ACOT12: variants seen among roughly 807,000 people sequenced by gnomAD.
The protein encoded by ACOT12 is acetyl-coenzyme A thioesterase.
ACOT12 carries 51 observed loss-of-function variants against 67.7 expected under a neutral mutation model. The ratio of observed to expected loss-of-function variants is 0.75; its 90% CI spans 0.60 to 0.95. ACOT12 has a LOEUF of 0.95. ACOT12 is among the 40% of genes least tolerant of loss of function. The pLI is 0.00. For missense variants in ACOT12, 734 were observed against 708.1 expected (o/e 1.04, Z -0.41); for synonymous variants, 251 against 244.6 (o/e 1.03, Z -0.24).
At chr5:81,331,288 A>G (rs974194971) in intron 13 of ACOT12, among the ~76,000 whole-genome samples, 1 of 152,218 alleles carries the variant, frequency 6.6e-6, no homozygotes, top group Non-Finnish European at 1.5e-5. Context: ...CTGTAATCCC[A>G]GCACTTTGGG....
chr5:81,375,512 A>T (rs1323822420), intron 2 of ACOT12, among the ~76,000 whole-genome samples: 2 of 152,208 alleles, frequency 1.3e-5, no homozygotes, highest in Non-Finnish European at 2.9e-5. Flanking sequence ...AAATGTAAAC[A>T]GGCTAAATGC....
At chr5:81,316,614 C>G in the ACOT12 span, among the ~76,000 whole-genome samples, 2 of 152,268 alleles carry the variant, frequency 1.3e-5, no homozygotes, top group African/African-American at 4.8e-5. Context: ...TGGATATATA[C>G]CTAGGAGTAT....
Position 81,372,156 on chromosome 5 carries a change from A to G in ACOT12, c.198-346T>C, listed in dbSNP as rs201752228. 2.3e-4 allele frequency among the ~76,000 whole-genome samples: 35 copies of G among 152,316 alleles called. No homozygotes were observed. The East Asian group carries it at 5.2e-3, about 23-fold the overall frequency. On this transcript the variant is annotated intron_variant, in intron 2 of 14. Transcript: ENST00000307624. The stretch of plus-strand genomic sequence containing the variant: ...AAGGAAAATACACCAGCAAATCTAT[A>G]CAGCTGGTATTTATTTTTGAATGTT...
intron 2 of ACOT12, among the ~76,000 whole-genome samples, chr5:81,376,326 A>G (rs535389888): frequency 4.6e-5 from 7 of 152,210 alleles, no homozygotes; most frequent in African/African-American, 1.4e-4. Flanking sequence ...AATATCTGGG[A>G]CATATTTAAA....
chr5:81,348,205 A>G (rs1243103815), intron 5 of ACOT12, among the ~76,000 whole-genome samples: 3 of 152,196 alleles, frequency 2.0e-5, no homozygotes, highest in Non-Finnish European at 4.4e-5. Flanking sequence ...GACTAAAAGA[A>G]TGGTTACACT....
intron 12 of ACOT12, among the ~76,000 whole-genome samples, chr5:81,333,507 T>C (rs936232226): frequency 6.6e-6 from 1 of 152,226 alleles, no homozygotes; most frequent in Non-Finnish European, 1.5e-5. Context: ...TCATAGTACA[T>C]GTACAAGAAA....
intron 3 of ACOT12, 82 bp from the exon 4 acceptor site, chr5:81,363,971 A>T: frequency 2.6e-6 from 2 of 778,430 alleles, no homozygotes; most frequent in Non-Finnish European, 3.7e-6. Context: ...TGTATGCACC[A>T]TTACCTTCTT....
chr5:81,314,674 C>T, the ACOT12 span, among the ~76,000 whole-genome samples: 1 of 152,192 alleles, frequency 6.6e-6, no homozygotes, highest in African/African-American at 2.4e-5. Context: ...TACTCTTATG[C>T]ACTTGAAATT....
Position 81,330,887 on chromosome 5 carries a change from G to C in ACOT12, c.1445C>G (p.Ser482Cys). Residue 482 changes from serine to cysteine, a missense_variant, in exon 14 of 15, where the codon TCT (serine) becomes TGT (cysteine). Ser to Cys is a moderately radical substitution (Grantham distance 112, BLOSUM62 -1). Coordinates refer to ENST00000307624, the MANE Select transcript of ACOT12 (RefSeq NM_130767.3). ...KSVILPSVPP[S>C]PQYIRSEIIC... is the part of the protein sequence containing the mutation. ...GATTTCACTTCTGATGTACTGTGGA[G>C]ACGGGGGGACCGATGGCAAAATGAC... 6.2e-7 allele frequency: 1 copy of C among 1,613,242 alleles called. No individual in the cohort carries two copies. The highest frequency in any genetic ancestry group is 1.3e-5 in the African/African-American group (1 of 75,018).
Position 81,394,042 on chromosome 5 carries a change from C to T in ACOT12, c.73G>A (p.Glu25Lys). The stretch of plus-strand genomic sequence containing the variant: ...TTGAGCAGCTGCCCCGCGCTCAGCT[C>T]GCCGCGCGCAGTGGCGTGCGCCGGC... ...IQPAHATARG[E>K]LSAGQLLKWI... Residue 25 changes from glutamate (E) to lysine (K), a missense_variant, in exon 1 of 15, where the codon GAG becomes AAG. Transcript: ENST00000307624. 6.8e-7 allele frequency: 1 copy of T among 1,471,734 alleles called. No homozygotes were observed. 91.2% of individuals were successfully genotyped at this position (1,471,734 alleles called of 1,614,324 possible).
chr5:81,385,929 T>C, intron 1 of ACOT12, 103 bp from the exon 2 acceptor site: 1 of 1,052,040 alleles, frequency 9.5e-7, no homozygotes, highest in Non-Finnish European at 1.4e-6. Context: ...TAGTCACCCA[T>C]CCCTCATTCA....
chr5:81,322,444 G>A, the ACOT12 span, among the ~76,000 whole-genome samples: 1 of 133,710 alleles, frequency 7.5e-6, no homozygotes, highest in African/African-American at 2.9e-5. Context: ...GCAACAAGAG[G>A]GAAACTCTGT....
chr5:81,318,697 C>T, the ACOT12 span, among the ~76,000 whole-genome samples: 1 of 152,146 alleles, frequency 6.6e-6, no homozygotes, highest in Non-Finnish European at 1.5e-5. Context: ...TCATGATTCT[C>T]CTTATTTTCC....
intron 1 of ACOT12, among the ~76,000 whole-genome samples, chr5:81,387,919 T>C (rs2153860314): frequency 6.6e-6 from 1 of 152,284 alleles, no homozygotes; most frequent in African/African-American, 2.4e-5. Context: ...TTTTATTGTT[T>C]ATATTGGGTA....
the ACOT12 span, among the ~76,000 whole-genome samples, chr5:81,323,899 T>TATATATATATACATATATAC: frequency 1.2e-5 from 1 of 84,974 alleles, no homozygotes; most frequent in Non-Finnish European, 3.0e-5. Context: ...CATATATACG[T>TATATATATATACATATATAC]ATATATACAC....
intron 1 of ACOT12, among the ~76,000 whole-genome samples, chr5:81,388,386 A>G (rs1237107458): frequency 1.3e-5 from 2 of 152,182 alleles, no homozygotes; most frequent in Non-Finnish European, 2.9e-5. Context: ...CAATTAGATG[A>G]CATGAACTCA....
At chr5:81,391,943 C>A (rs1005191361) in intron 1 of ACOT12, among the ~76,000 whole-genome samples, 9 of 152,032 alleles carry the variant, frequency 5.9e-5, no homozygotes, top group African/African-American at 2.2e-4. Context: ...AGATAGTAAA[C>A]CCTGGAAAAG....
At chr5:81,384,491 T>C (rs1262523480) in intron 2 of ACOT12, among the ~76,000 whole-genome samples, 1 of 152,142 alleles carries the variant, frequency 6.6e-6, no homozygotes, top group Non-Finnish European at 1.5e-5. Context: ...CTTTTTAATG[T>C]TTAACTATGT....
intron 3 of ACOT12, among the ~76,000 whole-genome samples, chr5:81,367,483 G>A (rs1275576599): frequency 6.6e-6 from 1 of 152,034 alleles, no homozygotes; most frequent in Non-Finnish European, 1.5e-5. Context: ...ATACTCAAAG[G>A]GATATTATAT....
Sources: gnomAD v4.1 joint callset for allele counts (sites outside exome capture counted in the v4.1 genomes callset) on GRCh38, gnomAD v4.1.1 for gene constraint, MANE v1.5 for transcripts, NCBI Gene and HGNC (gene_info 2026-07-23, HGNC 2026-07-21) for gene names.